The following TNN variants were observed in gnomAD, a reference collection of about 807,000 sequenced individuals.
TNN encodes the protein tenascin-N.
In TNN, 122 loss-of-function variants were observed where a neutral mutation model predicts 134.4. That is an observed-to-expected ratio of 0.91 (90% confidence interval 0.78 to 1.06). TNN has a LOEUF of 1.06. TNN is among the 50% of genes least tolerant of loss of function. The probability of loss-of-function intolerance (pLI) is 0.00; values close to 1 mark genes in which losing one functional copy is unlikely to be tolerated. For synonymous variants in TNN, 710 were observed against 670.3 expected (o/e 1.06, Z -0.91); for missense variants, 1,739 against 1,699.4 (o/e 1.02, Z -0.41).
intron 1 of TNN, among the ~76,000 whole-genome samples, chr1:175,070,920 T>C (rs927821958): frequency 1.3e-5 from 2 of 152,188 alleles, no homozygotes; most frequent in African/African-American, 4.8e-5. Flanking sequence ...TGCAGATCAT[T>C]AGCAATATAT....
chr1:175,137,018 G>T lies in TNN; in HGVS notation c.3595+30G>T, dbSNP rs371069763. The T allele has an allele frequency of 2.5e-6, 4 of 1,608,492 alleles. No homozygotes were observed. In the African/African-American group the frequency reaches 5.3e-5, roughly 21 times the overall value. On this transcript the variant is annotated intron_variant, in intron 17 of 18. Transcript: ENST00000239462. Reference sequence around the variant, plus strand: ...GAAAAAATGTTTTCTTACTGCGAAGGTCTCTTGCTGTCTGTTGTGTAAGGA... The same window carrying T: ...GAAAAAATGTTTTCTTACTGCGAAGTTCTCTTGCTGTCTGTTGTGTAAGGA...
intron 7 of TNN, 26 bp downstream of exon 7, chr1:175,094,279 A>C: frequency 6.6e-7 from 1 of 1,525,846 alleles, no homozygotes; most frequent in Middle Eastern, 1.8e-4. Context: ...GAGCATAAAT[A>C]GGTTTCCTCA....
chr1:175,140,915 T>C (rs1439707481), intron 17 of TNN, among the ~76,000 whole-genome samples: 1 of 152,174 alleles, frequency 6.6e-6, no homozygotes, highest in Non-Finnish European at 1.5e-5. Flanking sequence ...TGAGGCACTG[T>C]TTAGAGGACA....
At chr1:175,126,209 C>T (rs1166969193) in intron 12 of TNN, among the ~76,000 whole-genome samples, 4 of 149,980 alleles carry the variant, frequency 2.7e-5, no homozygotes, top group Non-Finnish European at 4.4e-5. Flanking sequence ...TCAAGCAATT[C>T]TCCTGCCTCA....
intron 1 of TNN, among the ~76,000 whole-genome samples, chr1:175,072,332 A>G (rs912729969): frequency 6.6e-6 from 1 of 152,206 alleles, no homozygotes; most frequent in African/African-American, 2.4e-5. Flanking sequence ...CTTGGGGACA[A>G]CTGGTTTCCT....
Position 175,079,376 on chromosome 1 carries a change from G to T in TNN, c.453G>T (p.Glu151Asp). 3.1e-6 allele frequency: 5 copies of T among 1,598,328 alleles called. No individual in the cohort carries two copies. Among genetic ancestry groups the T allele is most frequent in the Non-Finnish European group, 4.2e-6 (5 of 1,176,820 alleles). ...HCSGHGTFSLETCSCHCEEGR... is the reference protein window; with the variant it reads ...HCSGHGTFSLDTCSCHCEEGR... ...GCGGCCACGGGACCTTCTCCCTGGA[G>T]ACCTGCAGCTGCCACTGCGAAGAGG... The change falls in exon 3 of 19, where the codon GAG becomes GAT. Residue 151 changes from glutamate (E) to aspartate (D), a missense_variant. Glu to Asp is a conservative substitution (Grantham distance 45). Coordinates refer to ENST00000239462, the MANE Select transcript of TNN (RefSeq NM_022093.2).
At chr1:175,073,428 A>G (rs1014052770) in intron 1 of TNN, among the ~76,000 whole-genome samples, 2 of 152,122 alleles carry the variant, frequency 1.3e-5, no homozygotes, top group African/African-American at 4.8e-5. Context: ...CCATCTTCTG[A>G]CAAAAATCTC....
intron 7 of TNN, 131 bp downstream of exon 7, chr1:175,094,384 A>G: frequency 1.3e-6 from 1 of 777,248 alleles, no homozygotes; most frequent in Non-Finnish European, 1.9e-6. Flanking sequence ...TTGCAAAACC[A>G]ATTTTGATTT....
intron 7 of TNN, among the ~76,000 whole-genome samples, chr1:175,096,785 A>T (rs561739929): frequency 6.6e-6 from 1 of 152,238 alleles, no homozygotes; most frequent in Non-Finnish European, 1.5e-5. Flanking sequence ...TTGAGGAGAC[A>T]GACACTTAAA....
intron 10 of TNN, among the ~76,000 whole-genome samples, chr1:175,118,352 G>A (rs887013117): frequency 6.6e-6 from 1 of 152,144 alleles, no homozygotes; most frequent in Non-Finnish European, 1.5e-5. Flanking sequence ...GGATTCTCAG[G>A]TTCTGATCTA....
chr1:175,136,309 T>C (rs2101850816), intron 16 of TNN, among the ~76,000 whole-genome samples: 1 of 152,272 alleles, frequency 6.6e-6, no homozygotes, highest in Non-Finnish European at 1.5e-5. Context: ...CCAGGCATTA[T>C]GAGCAATTTT....
chr1:175,074,140 G>A (rs1007597173), intron 1 of TNN, among the ~76,000 whole-genome samples: 15 of 151,688 alleles, frequency 9.9e-5, no homozygotes, highest in Admixed American at 2.0e-4. Context: ...CTAATTCACC[G>A]TGACCCCACC....
chr1:175,078,567 C>G (rs1385655536), intron 2 of TNN, among the ~76,000 whole-genome samples: 2 of 152,270 alleles, frequency 1.3e-5, no homozygotes, highest in South Asian at 2.1e-4. Flanking sequence ...ACCATCAGAT[C>G]CAGATACAGA....
intron 18 of TNN, among the ~76,000 whole-genome samples, chr1:175,146,043 A>G (rs139940884): frequency 6.6e-6 from 1 of 152,270 alleles, no homozygotes. Context: ...GTCCAGGTAC[A>G]TTTTGATTAC....
At chr1:175,126,316 G>A (rs1675528269) in intron 12 of TNN, among the ~76,000 whole-genome samples, 3 of 151,956 alleles carry the variant, frequency 2.0e-5, no homozygotes, top group Admixed American at 6.6e-5. Flanking sequence ...TGGCCAGGCT[G>A]GTGTCGAACT....
intron 9 of TNN, among the ~76,000 whole-genome samples, chr1:175,105,530 T>C (rs2149435363): frequency 6.9e-6 from 1 of 145,612 alleles, no homozygotes; most frequent in South Asian, 2.3e-4. Context: ...TAGTTGTGTA[T>C]TCTCCCTCAA....
At chr1:175,082,333 A>C (rs1454433726) in intron 4 of TNN, among the ~76,000 whole-genome samples, 1 of 152,230 alleles carries the variant, frequency 6.6e-6, no homozygotes, top group Non-Finnish European at 1.5e-5. Context: ...ATTCAGGTTA[A>C]ACACATTCTT....
Position 175,137,739 on chromosome 1 carries a change from AGTGTTTTGACATTTGCCT to A in TNN, c.3595+768_3595+785del, listed in dbSNP as rs553605240. ...TATTTATGGTTTTTAAACCATAACA[AGTGTTTTGACATTTGCCT>A]GTGTTTTGACATTTGCGTTTTTGAC... On this transcript the variant is annotated intron_variant, in intron 17 of 18. Coordinates refer to ENST00000239462, the MANE Select transcript of TNN (RefSeq NM_022093.2). Among the ~76,000 whole-genome samples the A allele has an allele frequency of 5.0e-4, 76 of 152,322 alleles. No homozygotes were observed. The East Asian group carries it at 0.013, about 26-fold the overall frequency.
intron 17 of TNN, among the ~76,000 whole-genome samples, chr1:175,138,215 T>C (rs150199182): frequency 6.6e-6 from 1 of 152,350 alleles, no homozygotes. Flanking sequence ...CAACTATGAA[T>C]GCAAACCTTC....
Sources: gnomAD v4.1 joint callset for allele counts (sites outside exome capture counted in the v4.1 genomes callset) on GRCh38, gnomAD v4.1.1 for gene constraint, MANE v1.5 for transcripts, NCBI Gene and HGNC (gene_info 2026-07-23, HGNC 2026-07-21) for gene names.